SIMC1: variants seen among roughly 807,000 people sequenced by gnomAD.
SIMC1 encodes SUMO-interacting motif-containing protein 1.
A neutral mutation model predicts 82.3 loss-of-function variants in SIMC1; 55 were observed. The ratio of observed to expected loss-of-function variants is 0.67; its 90% CI spans 0.54 to 0.84. The LOEUF (loss-of-function observed/expected upper bound fraction) is 0.84. Ranked by LOEUF, SIMC1 falls within the 40% of genes least tolerant of loss-of-function variation. SIMC1 has a pLI of 0.00. For synonymous variants in SIMC1, 353 were observed against 426.3 expected, an observed-to-expected ratio of 0.83 and a Z score of 2.12; for missense variants, 915 against 1,107.2, an observed-to-expected ratio of 0.83 and a Z score of 2.46.
intron 4 of SIMC1, chr5:176,313,374 A>C: frequency 6.5e-7 from 1 of 1,526,744 alleles, no homozygotes; most frequent in Non-Finnish European, 8.8e-7. Context: ...TAGAGATTCC[A>C]GTAGATATCT....
At chr5:176,314,336 G>A (rs1764807646) in intron 5 of SIMC1, among the ~76,000 whole-genome samples, 1 of 152,118 alleles carries the variant, frequency 6.6e-6, no homozygotes, top group Admixed American at 6.6e-5. Context: ...AATCATAAAA[G>A]AAACCAACAA....
rs1764767400 is a variant in SIMC1 at position 176,313,625 on chromosome 5, G to A, written c.1735-66G>A. ...TCTCTTGGGCTTAGTATTTATGAGA[G>A]CCCAATGTTGACTGTCATCCAAGAG... On this transcript the variant is annotated intron_variant, in intron 4 of 9. Transcript: ENST00000429602. The A allele has an allele frequency of 1.4e-5, 23 of 1,597,048 alleles. No individual in the cohort carries two copies. In the South Asian group the frequency reaches 2.6e-4, roughly 18 times the overall value.
intron 4 of SIMC1, among the ~76,000 whole-genome samples, chr5:176,297,837 A>G (rs185954319): frequency 1.3e-5 from 2 of 152,250 alleles, no homozygotes; most frequent in Non-Finnish European, 2.9e-5. Flanking sequence ...TGAGGAAGTA[A>G]TCAAAAAAAG....
At chr5:176,262,812 G>GA (rs1260579069) in intron 1 of SIMC1, among the ~76,000 whole-genome samples, 8 of 151,952 alleles carry the variant, frequency 5.3e-5, no homozygotes, top group African/African-American at 1.9e-4. Flanking sequence ...CTCAAAAAAA[G>GA]AAAAAGTATG....
chr5:176,293,869 T>G (rs180767886), intron 2 of SIMC1, among the ~76,000 whole-genome samples: 3 of 152,214 alleles, frequency 2.0e-5, no homozygotes, highest in Admixed American at 1.3e-4. Context: ...TTGAAAAATA[T>G]AGAAGAGCAC....
intron 1 of SIMC1, among the ~76,000 whole-genome samples, chr5:176,279,068 T>C (rs909321280): frequency 2.0e-5 from 3 of 152,236 alleles, no homozygotes; most frequent in African/African-American, 7.2e-5. Context: ...CGGCTGTGAA[T>C]CCATCTGGTC....
intron 7 of SIMC1, among the ~76,000 whole-genome samples, chr5:176,330,696 T>C (rs1262625551): frequency 6.6e-6 from 1 of 152,160 alleles, no homozygotes; most frequent in African/African-American, 2.4e-5. Context: ...CGGGACCCCC[T>C]TTCTTACAGT....
intron 1 of SIMC1, among the ~76,000 whole-genome samples, chr5:176,255,144 T>A (rs1005555732): frequency 2.7e-5 from 4 of 149,262 alleles, no homozygotes; most frequent in Non-Finnish European, 5.9e-5. Context: ...AGCATGGTGG[T>A]GGGCACCTGT....
chr5:176,322,168 T>C, intron 5 of SIMC1, 105 bp from the exon 6 acceptor site: 1 of 1,357,064 alleles, frequency 7.4e-7, no homozygotes, highest in South Asian at 1.6e-5. Flanking sequence ...GCTATAGTTC[T>C]GAGCACCATA....
intron 1 of SIMC1, among the ~76,000 whole-genome samples, chr5:176,251,795 G>A (rs1409507177): frequency 5.3e-5 from 8 of 150,658 alleles, no homozygotes; most frequent in African/African-American, 2.0e-4. Flanking sequence ...TAACGAGCAT[G>A]CTGCCTTCAA....
At chr5:176,317,192 A>G (rs1561719610) in intron 5 of SIMC1, among the ~76,000 whole-genome samples, 1 of 152,260 alleles carries the variant, frequency 6.6e-6, no homozygotes, top group Non-Finnish European at 1.5e-5. Context: ...ATCTAAATTC[A>G]TCAAACAAAA....
chr5:176,245,525 A>T (rs1761407783), intron 1 of SIMC1, among the ~76,000 whole-genome samples: 1 of 152,150 alleles, frequency 6.6e-6, no homozygotes, highest in Admixed American at 6.5e-5. Flanking sequence ...CTTGTCATAC[A>T]TGTTACAATT....
At position 176,295,349 on chromosome 5, in the gene SIMC1, CTAACCGT is replaced by C. The variant is rs142740776; in HGVS notation, c.1664+90_1664+96del. On this transcript the variant is annotated intron_variant, in intron 3 of 9. Transcript: ENST00000429602. ...CTTTCTCTTGACAGGCTTTTTTAAC[CTAACCGT>C]TACAGTGGGTGACTTAGCATATTAG... 3,537 of 1,486,990 alleles carry C rather than the reference CTAACCGT, an allele frequency of 2.4e-3. 32 individuals are homozygous for C. The African/African-American group carries it at 0.031, about 13-fold the overall frequency. The allele number at this position is 1,486,990 out of a possible 1,614,324, so 92.1% of individuals were successfully genotyped here. A position where few individuals can be genotyped will look rare whatever the true frequency, so the allele number is the denominator to read the frequency against.
chr5:176,302,461 T>C (rs1764081540), intron 4 of SIMC1, among the ~76,000 whole-genome samples: 1 of 152,210 alleles, frequency 6.6e-6, no homozygotes, highest in Non-Finnish European at 1.5e-5. Flanking sequence ...GGCATCATAC[T>C]GAATGGTGAA....
intron 9 of SIMC1, among the ~76,000 whole-genome samples, chr5:176,343,213 A>G (rs1279643138): frequency 6.6e-6 from 1 of 152,248 alleles, no homozygotes; most frequent in African/African-American, 2.4e-5. Context: ...GTAACCTGAT[A>G]TACCACTTAA....
chr5:176,294,807 A>G, intron 2 of SIMC1: 3 of 472,516 alleles, frequency 6.3e-6, no homozygotes, highest in Non-Finnish European at 1.1e-5. Flanking sequence ...CTAAAAATAC[A>G]AAAGAAAATT....
rs1257561224 is a variant in SIMC1 at position 176,296,291 on chromosome 5, A to C, written c.1705A>C (p.Lys569Gln). The change falls in exon 4 of 10, where the codon AAA becomes CAA. Residue 569 changes from lysine (K) to glutamine (Q), a missense_variant. Transcript: ENST00000429602. ...ANAKTVEWDW[K>Q]LLTYVMEEEG... The stretch of plus-strand genomic sequence containing the variant: ...TGCCAAGACAGTGGAGTGGGACTGG[A>C]AACTGCTCACCTATGTCATGGAGGA... 1.2e-6 allele frequency: 2 copies of C among 1,613,602 alleles called. No individual in the cohort carries two copies. The highest frequency in any genetic ancestry group is 1.7e-6 in the Non-Finnish European group (2 of 1,179,592).
At chr5:176,343,156 T>C (rs1456125495) in intron 9 of SIMC1, among the ~76,000 whole-genome samples, 1 of 152,186 alleles carries the variant, frequency 6.6e-6, no homozygotes, top group Non-Finnish European at 1.5e-5. Flanking sequence ...AGAAAAAACA[T>C]ATTGAATGTA....
At chr5:176,291,795 A>G (rs7710452) in intron 2 of SIMC1, among the ~76,000 whole-genome samples, 111,695 of 152,112 alleles carry the variant, frequency 0.73, 41,171 homozygotes, top group Middle Eastern at 0.84. Context: ...TTACCTTTTT[A>G]AGCCTTAGCT....
Sources: allele counts gnomAD v4.1 joint callset (sites outside exome capture counted in the v4.1 genomes callset), GRCh38; gene constraint gnomAD v4.1.1; transcripts MANE v1.5; gene names NCBI Gene and HGNC (gene_info 2026-07-23, HGNC 2026-07-21).